NLGN1: variants seen among roughly 807,000 people sequenced by gnomAD.
NLGN1 encodes neuroligin 1.
In NLGN1, 12 loss-of-function variants were observed where a neutral mutation model predicts 65.5. The ratio of observed to expected loss-of-function variants is 0.18; its 90% CI spans 0.12 to 0.30. The LOEUF (loss-of-function observed/expected upper bound fraction) is 0.30, where lower values mean the gene tolerates loss of function less well. Ranked by LOEUF, NLGN1 falls within the 10% of genes least tolerant of loss-of-function variation. The pLI is 1.00. For missense variants in NLGN1, 750 were observed against 1,007.1 expected (o/e 0.74, Z 3.46); for synonymous variants, 350 against 359.5 (o/e 0.97, Z 0.30).
At chr3:174,225,713 A>G (rs1739538873) in intron 4 of NLGN1, among the ~76,000 whole-genome samples, 1 of 152,004 alleles carries the variant, frequency 6.6e-6, no homozygotes, top group South Asian at 2.1e-4. Flanking sequence ...CCTGGGGGAC[A>G]GAGCGAGACT....
chr3:173,543,620 T>G (rs908976522), intron 2 of NLGN1, among the ~76,000 whole-genome samples: 3 of 152,116 alleles, frequency 2.0e-5, no homozygotes, highest in Non-Finnish European at 2.9e-5. Context: ...AAGCCAGATA[T>G]TATAAGTGAA....
At chr3:173,750,664 A>T (rs2150153667) in intron 3 of NLGN1, among the ~76,000 whole-genome samples, 1 of 152,224 alleles carries the variant, frequency 6.6e-6, no homozygotes, top group African/African-American at 2.4e-5. Context: ...CACACTAATT[A>T]TTGTTGTACA....
chr3:173,613,916 G>A (rs1191221690), intron 3 of NLGN1, among the ~76,000 whole-genome samples: 1 of 151,256 alleles, frequency 6.6e-6, no homozygotes, highest in Non-Finnish European at 1.5e-5. Flanking sequence ...ATGAACAGTG[G>A]TCCTAATTTT....
At chr3:173,585,189 G>A (rs575944093) in intron 2 of NLGN1, among the ~76,000 whole-genome samples, 1 of 152,140 alleles carries the variant, frequency 6.6e-6, no homozygotes, top group African/African-American at 2.4e-5. Flanking sequence ...GAGCTACCTA[G>A]ATCGAGCTAA....
intron 4 of NLGN1, among the ~76,000 whole-genome samples, chr3:174,150,516 C>T (rs2152703310): frequency 6.6e-6 from 1 of 152,176 alleles, no homozygotes. Context: ...TAAAATTGCC[C>T]CTATTTGAGA....
chr3:173,552,455 C>T (rs548001649), intron 2 of NLGN1, among the ~76,000 whole-genome samples: 1 of 151,938 alleles, frequency 6.6e-6, no homozygotes, highest in South Asian at 2.1e-4. Context: ...GAGGTTGTTG[C>T]ATTAAGTGGC....
At chr3:173,925,256 ATGAAAATAAGCCAC>A (rs111967908) in intron 4 of NLGN1, among the ~76,000 whole-genome samples, 12,926 of 152,134 alleles carry the variant, frequency 0.085, 1,318 homozygotes, top group African/African-American at 0.25. Context: ...TACCTGGATA[ATGAAAATAAGCCAC>A]TGAGGATCTT....
chr3:173,826,512 ATACT>A (rs1360091750), intron 4 of NLGN1, among the ~76,000 whole-genome samples: 4 of 152,118 alleles, frequency 2.6e-5, no homozygotes, highest in Admixed American at 6.6e-5. Context: ...CATAAGCAGA[ATACT>A]TAAATTTTCA....
At chr3:173,798,456 A>T (rs1277634084) in intron 3 of NLGN1, among the ~76,000 whole-genome samples, 3 of 152,130 alleles carry the variant, frequency 2.0e-5, no homozygotes, top group Non-Finnish European at 4.4e-5. Flanking sequence ...TAATATTCTG[A>T]TTCAGCAATT....
chr3:173,949,148 A>C (rs1016178509), intron 4 of NLGN1, among the ~76,000 whole-genome samples: 38 of 152,104 alleles, frequency 2.5e-4, no homozygotes, highest in African/African-American at 8.2e-4. Context: ...TTCTTTCTGA[A>C]CACACAGTTC....
chr3:174,138,670 G>A (rs6802007), intron 4 of NLGN1, among the ~76,000 whole-genome samples: 30,074 of 151,586 alleles, frequency 0.2, 3,308 homozygotes, highest in African/African-American at 0.3. Context: ...TCCTGACCTC[G>A]TGATCCGCCC....
intron 4 of NLGN1, among the ~76,000 whole-genome samples, chr3:174,094,912 A>G (rs1745188577): frequency 6.6e-6 from 1 of 152,156 alleles, no homozygotes. Flanking sequence ...AGAAAGAGGC[A>G]TAGAAAGCAA....
intron 4 of NLGN1, among the ~76,000 whole-genome samples, chr3:173,988,092 T>A (rs891779420): frequency 6.6e-6 from 1 of 152,198 alleles, no homozygotes; most frequent in Non-Finnish European, 1.5e-5. Context: ...TGCCCACTTT[T>A]AAAATGTAGC....
In NLGN1 at chr3:174,151,944, C is replaced by G. The variant is rs191406967; in HGVS notation, c.647-123371C>G. ...TATATATACCATGAACTTCCATATA[C>G]CAATTTTTGAACCTCATAATGTGAA... On this transcript the variant is annotated intron_variant, in intron 4 of 6. Transcript: ENST00000457714. Among the ~76,000 whole-genome samples the G allele has an allele frequency of 3.5e-3, 525 of 152,112 alleles. 4 individuals carry two copies. Among genetic ancestry groups the G allele is most frequent in the Middle Eastern group, 0.014 (4 of 292 alleles).
intron 2 of NLGN1, among the ~76,000 whole-genome samples, chr3:173,545,251 T>A (rs1739591738): frequency 6.6e-6 from 1 of 152,098 alleles, no homozygotes. Flanking sequence ...ATTTTGTATT[T>A]CTAGTAGAGA....
chr3:173,810,693 A>T (rs78440351), intron 4 of NLGN1, among the ~76,000 whole-genome samples: 8 of 152,318 alleles, frequency 5.3e-5, no homozygotes, highest in African/African-American at 1.9e-4. Context: ...AAATTCGTAC[A>T]GCTATCTAGC....
At chr3:173,931,948 C>T (rs998858654) in intron 4 of NLGN1, among the ~76,000 whole-genome samples, 4 of 151,924 alleles carry the variant, frequency 2.6e-5, no homozygotes, top group African/African-American at 4.8e-5. Flanking sequence ...ATGAGAGATG[C>T]GTCAGAAAAA....
At chr3:173,953,166 A>C (rs1296245070) in intron 4 of NLGN1, among the ~76,000 whole-genome samples, 1 of 152,188 alleles carries the variant, frequency 6.6e-6, no homozygotes, top group Non-Finnish European at 1.5e-5. Context: ...TCTATTTAAA[A>C]ATTACTAATA....
chr3:174,225,624 C>T (rs993224991), intron 4 of NLGN1, among the ~76,000 whole-genome samples: 1 of 151,694 alleles, frequency 6.6e-6, no homozygotes, highest in African/African-American at 2.4e-5. Flanking sequence ...CCAGCTACTC[C>T]GGAGCCTGAG....
Sources: allele counts gnomAD v4.1 joint callset (sites outside exome capture counted in the v4.1 genomes callset), GRCh38; gene constraint gnomAD v4.1.1; transcripts MANE v1.5; gene names NCBI Gene and HGNC (gene_info 2026-07-23, HGNC 2026-07-21).